NT5DC1: variants seen among roughly 807,000 people sequenced by gnomAD.
NT5DC1 encodes the protein 5'-nucleotidase domain containing 1.
Under a neutral mutation model 59.4 loss-of-function variants are expected in NT5DC1, and 42 were observed. That is an observed-to-expected ratio of 0.71 (90% CI 0.55 to 0.92). The LOEUF (loss-of-function observed/expected upper bound fraction) is 0.92. Among genes scored for constraint, NT5DC1 ranks in the 40% least tolerant of loss-of-function variants. NT5DC1 has a pLI of 0.00. For synonymous variants in NT5DC1, 172 were observed against 188.1 expected, an observed-to-expected ratio of 0.91 and a Z score of 0.70; for missense variants, 501 against 537.1, an observed-to-expected ratio of 0.93 and a Z score of 0.66.
intron 6 of NT5DC1, among the ~76,000 whole-genome samples, chr6:116,170,940 A>G (rs1447830232): frequency 6.6e-6 from 1 of 152,166 alleles, no homozygotes; most frequent in Non-Finnish European, 1.5e-5. Context: ...TAGCCTGTCA[A>G]ACCTCATTCT....
chr6:116,166,568 A>ATCAGGCC, intron 6 of NT5DC1, among the ~76,000 whole-genome samples: 1 of 152,326 alleles, frequency 6.6e-6, no homozygotes, highest in East Asian at 1.9e-4. Flanking sequence ...AACTCCTGGC[A>ATCAGGCC]TCGATCTCCA....
Position 116,244,096 on chromosome 6 carries a change from T to C in NT5DC1, c.*72T>C. On this transcript the variant is annotated 3_prime_UTR_variant, in exon 12 of 12. Transcript: ENST00000319550. ...AAAAAAGTTAATTTTCAAAAAATACTGTAAAAGACTTTAAGGAACAAGTTT... is the reference window on the plus strand; with the variant it reads ...AAAAAAGTTAATTTTCAAAAAATACCGTAAAAGACTTTAAGGAACAAGTTT... The C allele has an allele frequency of 1.7e-6, 1 of 572,758 alleles. No homozygotes were observed. Among genetic ancestry groups the C allele is most frequent in the Non-Finnish European group, 3.1e-6 (1 of 320,580 alleles). 35.5% of individuals were successfully genotyped at this position (572,758 alleles called of 1,614,324 possible). A position where few individuals can be genotyped will look rare whatever the true frequency, so the allele number is the denominator to read the frequency against.
At chr6:116,120,048 A>G in intron 6 of NT5DC1, 1 of 1,519,160 alleles carries the variant, frequency 6.6e-7, no homozygotes, top group Non-Finnish European at 8.8e-7. Context: ...TTCTAGCACA[A>G]GATTTAGATT....
At chr6:116,160,905 G>A (rs547255778) in intron 6 of NT5DC1, among the ~76,000 whole-genome samples, 12 of 152,000 alleles carry the variant, frequency 7.9e-5, no homozygotes, top group East Asian at 3.9e-4. Context: ...TGTTTATTGC[G>A]GTATTATTCA....
Position 116,245,805 on chromosome 6 carries a change from G to A in NT5DC1, c.*1781G>A, listed in dbSNP as rs200696222. The A allele has an allele frequency of 6.6e-6, 1 of 151,492 alleles. No homozygotes were observed. Among genetic ancestry groups the A allele is most frequent in the Non-Finnish European group, 1.5e-5 (1 of 67,840 alleles). The allele number at this position is 151,492 out of a possible 1,614,324, so 9.4% of individuals were successfully genotyped here. A position where few individuals can be genotyped will look rare whatever the true frequency, so the allele number is the denominator to read the frequency against. On this transcript the variant is annotated 3_prime_UTR_variant, in exon 12 of 12. Transcript: ENST00000319550. Reference sequence around the variant, plus strand: ...AATAACTGCACTTTTTGGGCCACTTGAGTAGTGGCGGGGGTTCAGGAGGCA... The same window carrying A: ...AATAACTGCACTTTTTGGGCCACTTAAGTAGTGGCGGGGGTTCAGGAGGCA...
chr6:116,160,572 G>A (rs765220181), intron 6 of NT5DC1, among the ~76,000 whole-genome samples: 2 of 151,926 alleles, frequency 1.3e-5, no homozygotes, highest in African/African-American at 2.4e-5. Flanking sequence ...TCTGTATATT[G>A]TCTATTTGCT....
chr6:116,216,166 C>T (rs1781684386), intron 6 of NT5DC1, among the ~76,000 whole-genome samples: 1 of 151,932 alleles, frequency 6.6e-6, no homozygotes, highest in Admixed American at 6.6e-5. Context: ...TAATTGGCAA[C>T]AGTTATTATT....
chr6:116,194,224 T>C (rs769497580), intron 6 of NT5DC1, among the ~76,000 whole-genome samples: 1 of 152,102 alleles, frequency 6.6e-6, no homozygotes, highest in Non-Finnish European at 1.5e-5. Context: ...ATTTGATCTT[T>C]ATTCTAGTAA....
chr6:116,121,866 C>G, intron 6 of NT5DC1: 1 of 1,613,994 alleles, frequency 6.2e-7, no homozygotes, highest in Non-Finnish European at 8.5e-7. Context: ...CTTCCGTAGC[C>G]TGGTTTTCCT....
Position 116,230,236 on chromosome 6 carries a change from T to C in NT5DC1, c.803-6730T>C, listed in dbSNP as rs534020821. ...GTTCTTTAAAATTTCCCACATCTTT[T>C]TTTATTATTTACTTAGGCACAAATA... is the stretch of plus-strand genomic sequence containing the variant. On this transcript the variant is annotated intron_variant, in intron 8 of 11. Coordinates refer to ENST00000319550, the MANE Select transcript of NT5DC1 (RefSeq NM_152729.3). Among the ~76,000 whole-genome samples the C allele has an allele frequency of 5.9e-5, 9 of 152,346 alleles. No individual in the cohort carries two copies. In the East Asian group the frequency reaches 1.7e-3, roughly 29 times the overall value.
intron 6 of NT5DC1, among the ~76,000 whole-genome samples, chr6:116,212,299 A>G (rs934659342): frequency 6.6e-5 from 10 of 152,086 alleles, no homozygotes; most frequent in Admixed American, 1.3e-4. Flanking sequence ...GTGGAAAAGT[A>G]TAGTGAAAAA....
chr6:116,160,777 T>G (rs973896449), intron 6 of NT5DC1, among the ~76,000 whole-genome samples: 4 of 152,258 alleles, frequency 2.6e-5, no homozygotes, highest in Non-Finnish European at 4.4e-5. Context: ...AAGCCTTTAA[T>G]CTATCTTCAG....
chr6:116,211,895 A>G (rs1477064681), intron 6 of NT5DC1, among the ~76,000 whole-genome samples: 1 of 152,012 alleles, frequency 6.6e-6, no homozygotes, highest in South Asian at 2.1e-4. Context: ...ATCCCCCAAC[A>G]CACACAACAC....
intron 6 of NT5DC1, among the ~76,000 whole-genome samples, chr6:116,151,056 A>G (rs1780024424): frequency 6.6e-6 from 1 of 152,178 alleles, no homozygotes; most frequent in Admixed American, 6.5e-5. Context: ...AAATCTTGAC[A>G]TCTCTGAGTT....
At chr6:116,201,390 T>C (rs1781343809) in intron 6 of NT5DC1, among the ~76,000 whole-genome samples, 1 of 152,030 alleles carries the variant, frequency 6.6e-6, no homozygotes. Context: ...ACATAGTTTG[T>C]TACAGAAATT....
chr6:116,218,038 G>T (rs1365759045), intron 6 of NT5DC1, among the ~76,000 whole-genome samples: 1 of 152,064 alleles, frequency 6.6e-6, no homozygotes, highest in Non-Finnish European at 1.5e-5. Context: ...TTTGTACAGG[G>T]CTTGTCTTTT....
intron 8 of NT5DC1, among the ~76,000 whole-genome samples, chr6:116,226,039 T>C (rs1781902582): frequency 6.6e-6 from 1 of 152,214 alleles, no homozygotes; most frequent in Non-Finnish European, 1.5e-5. Flanking sequence ...GTGCCAAGGC[T>C]AAGAAACCCT....
intron 6 of NT5DC1, among the ~76,000 whole-genome samples, chr6:116,180,404 A>G (rs1365474012): frequency 6.6e-6 from 1 of 152,102 alleles, no homozygotes; most frequent in African/African-American, 2.4e-5. Context: ...GGAATGATAG[A>G]ATTGATATGT....
intron 11 of NT5DC1, among the ~76,000 whole-genome samples, chr6:116,241,960 C>A (rs1342634322): frequency 4.0e-4 from 44 of 109,888 alleles, no homozygotes; most frequent in African/African-American, 6.5e-4. Flanking sequence ...AAAAAAAAAA[C>A]AAAGAATCAG....
Sources: gnomAD v4.1 joint callset for allele counts (sites outside exome capture counted in the v4.1 genomes callset) on GRCh38, gnomAD v4.1.1 for gene constraint, MANE v1.5 for transcripts, NCBI Gene and HGNC (gene_info 2026-07-23, HGNC 2026-07-21) for gene names.